Variants in SFT2D2 observed in about 807,000 individuals in gnomAD.
SFT2D2 encodes the protein SFT2 domain containing 2, also known as vesicle transport protein SFT2B.
Under a neutral mutation model 27.4 loss-of-function variants are expected in SFT2D2, and 21 were observed. That is an observed-to-expected ratio of 0.77 (90% CI 0.54 to 1.10). The LOEUF is 1.10. SFT2D2 is among the 50% of genes least tolerant of loss of function. The pLI, the probability that SFT2D2 is intolerant of heterozygous loss-of-function variation, is 0.00. For synonymous variants in SFT2D2, 72 were observed against 71.7 expected (o/e 1.00, Z -0.02); for missense variants, 187 against 194.2 (o/e 0.96, Z 0.22).
At chr1:168,231,486 A>G (rs754278941) in intron 1 of SFT2D2, 28 bp from the exon 2 acceptor site, 19 of 1,541,624 alleles carry the variant, frequency 1.2e-5, no homozygotes, top group South Asian at 2.3e-5. Flanking sequence ...ATGTGTGTGT[A>G]TATGTATTTT....
intron 1 of SFT2D2, among the ~76,000 whole-genome samples, chr1:168,227,241 AAAT>A (rs1245920130): frequency 2.6e-5 from 4 of 152,218 alleles, no homozygotes; most frequent in African/African-American, 9.7e-5. Context: ...TTGGATGACA[AAAT>A]AACGTTTCTC....
rs1558176505 is a variant in SFT2D2 at position 168,235,170 on chromosome 1, T to A, written c.306T>A (p.Thr102=). The A allele has an allele frequency of 1.7e-5, 27 of 1,614,202 alleles. No individual in the cohort carries two copies. Among genetic ancestry groups the A allele is most frequent in the Non-Finnish European group, 2.3e-5 (27 of 1,180,016 alleles). Residue 102 remains threonine, a synonymous_variant, in exon 4 of 8, where the codon ACT becomes ACA. Coordinates refer to ENST00000271375, the MANE Select transcript of SFT2D2 (RefSeq NM_199344.3). ...RMFEPTRLIA[T]IMVLLCFALT... ...TTGAGCCTACTCGTTTGATTGCAACTATCATGGTGCTGGTAAGGTCTGCTT... is the reference window on the plus strand; with the variant it reads ...TTGAGCCTACTCGTTTGATTGCAACAATCATGGTGCTGGTAAGGTCTGCTT...
chr1:168,240,976 C>T (rs888418150), intron 7 of SFT2D2, among the ~76,000 whole-genome samples: 8 of 152,094 alleles, frequency 5.3e-5, no homozygotes, highest in African/African-American at 1.7e-4. Flanking sequence ...CAATGTGGAC[C>T]CTTCTGAGTA....
rs2294218 is a variant in SFT2D2 at position 168,232,693 on chromosome 1, T to A, written c.236+774T>A. On this transcript the variant is annotated intron_variant, in intron 3 of 7. Coordinates refer to ENST00000271375, the MANE Select transcript of SFT2D2 (RefSeq NM_199344.3). ...GCTGTTTGTGCTTCACTGACTGACT[T>A]GCATGCTCAATGGGTAAGCATTGAT... Among the ~76,000 whole-genome samples the A allele has an allele frequency of 9.2e-5, 14 of 152,340 alleles. No homozygotes were observed. In the East Asian group the frequency reaches 2.7e-3, roughly 29 times the overall value.
chr1:168,246,593 G>A lies in SFT2D2; in HGVS notation c.*4053G>A. Reference sequence around the variant, plus strand: ...AGAACATGAGAATTCAAATTTTCCTGTAAATGACGCAATTTATCTACTGTG... The same window carrying A: ...AGAACATGAGAATTCAAATTTTCCTATAAATGACGCAATTTATCTACTGTG... On this transcript the variant is annotated 3_prime_UTR_variant, in exon 8 of 8. Transcript: ENST00000271375. The A allele has an allele frequency of 6.7e-7, 1 of 1,501,410 alleles. No homozygotes were observed. Among genetic ancestry groups the A allele is most frequent in the South Asian group, 1.1e-5 (1 of 89,410 alleles). 93.0% of individuals were successfully genotyped at this position (1,501,410 alleles called of 1,614,324 possible).
intron 6 of SFT2D2, among the ~76,000 whole-genome samples, chr1:168,237,286 G>T (rs1354454419): frequency 6.6e-6 from 1 of 152,184 alleles, no homozygotes; most frequent in Non-Finnish European, 1.5e-5. Flanking sequence ...TGTGTCTGTG[G>T]GCTGTAGGAT....
intron 7 of SFT2D2, among the ~76,000 whole-genome samples, chr1:168,241,205 CTT>C (rs11387591): frequency 4.0e-5 from 4 of 100,150 alleles, no homozygotes; most frequent in Non-Finnish European, 3.8e-5. Context: ...CCCTTCTATT[CTT>C]TTTTTTTTTT....
chr1:168,226,548 G>C (rs1700461081), intron 1 of SFT2D2, among the ~76,000 whole-genome samples: 1 of 151,984 alleles, frequency 6.6e-6, no homozygotes. Context: ...GACCCGGACT[G>C]GGGTGTTGGG....
At chr1:168,232,013 T>A in intron 3 of SFT2D2, 94 bp downstream of exon 3, 1 of 970,414 alleles carries the variant, frequency 1.0e-6, no homozygotes, top group Non-Finnish European at 1.6e-6. Context: ...GAGGCTCCAG[T>A]AGTTGTAAGG....
intron 1 of SFT2D2, among the ~76,000 whole-genome samples, chr1:168,226,490 C>G (rs1481880255): frequency 6.6e-6 from 1 of 152,090 alleles, no homozygotes; most frequent in Non-Finnish European, 1.5e-5. Flanking sequence ...GGCTGGGGGC[C>G]CCGAGGTCCA....
intron 6 of SFT2D2, 60 bp from the exon 7 acceptor site, chr1:168,239,071 G>A (rs1647579938): frequency 5.4e-6 from 7 of 1,300,812 alleles, no homozygotes; most frequent in Non-Finnish European, 7.8e-6. Context: ...AGCCCATTCT[G>A]CTGGATAATC....
At chr1:168,226,229 C>A in intron 1 of SFT2D2, 87 bp downstream of exon 1, 1 of 1,244,386 alleles carries the variant, frequency 8.0e-7, no homozygotes, top group Non-Finnish European at 1.1e-6. Context: ...GCGGGGACTC[C>A]CTGGAGTTTC....
At chr1:168,228,055 T>G (rs964188530) in intron 1 of SFT2D2, among the ~76,000 whole-genome samples, 2 of 152,256 alleles carry the variant, frequency 1.3e-5, no homozygotes, top group African/African-American at 4.8e-5. Flanking sequence ...GTTCTTGTTT[T>G]AAAATACTTT....
At chr1:168,227,881 G>A (rs1249696726) in intron 1 of SFT2D2, among the ~76,000 whole-genome samples, 3 of 152,154 alleles carry the variant, frequency 2.0e-5, no homozygotes, top group Non-Finnish European at 4.4e-5. Flanking sequence ...ACGAAGCAGT[G>A]GGCTGACCCT....
At chr1:168,232,822 T>C (rs1322190343) in intron 3 of SFT2D2, among the ~76,000 whole-genome samples, 1 of 152,160 alleles carries the variant, frequency 6.6e-6, no homozygotes, top group Non-Finnish European at 1.5e-5. Context: ...GGAAAGAAAT[T>C]CTCAAGGAGG....
rs1034993878 is a variant in SFT2D2 at position 168,252,119 on chromosome 1, G to A, written c.*9579G>A. 3.3e-5 allele frequency: 5 copies of A among 152,154 alleles called. No individual in the cohort carries two copies. Among genetic ancestry groups the A allele is most frequent in the Non-Finnish European group, 7.3e-5 (5 of 68,032 alleles). The allele number at this position is 152,154 out of a possible 1,614,324, so 9.4% of individuals were successfully genotyped here. A position where few individuals can be genotyped will look rare whatever the true frequency, so the allele number is the denominator to read the frequency against. On this transcript the variant is annotated 3_prime_UTR_variant, in exon 8 of 8. Coordinates refer to ENST00000271375, the MANE Select transcript of SFT2D2 (RefSeq NM_199344.3). ...GTAAATGGGGAGTAGCAGAGCCTTT[G>A]TTAATGTAAATTGACAAAAAGTATG...
At position 168,252,943 on chromosome 1, in the gene SFT2D2, G is replaced by A. The variant is rs1647980349; in HGVS notation, c.*10403G>A. 6.6e-6 allele frequency: 1 copy of A among 152,072 alleles called. No homozygotes were observed. The highest frequency in any genetic ancestry group is 2.4e-5 in the African/African-American group (1 of 41,406). 9.4% of individuals were successfully genotyped at this position (152,072 alleles called of 1,614,324 possible). A position where few individuals can be genotyped will look rare whatever the true frequency, so the allele number is the denominator to read the frequency against. On this transcript the variant is annotated 3_prime_UTR_variant, in exon 8 of 8. Coordinates refer to ENST00000271375, the MANE Select transcript of SFT2D2 (RefSeq NM_199344.3). Reference sequence around the variant, plus strand: ...TTAACTTTAAAAGGAATGTTGCCAAGCTGTCTCTCCTCCCCCATCACAATT... The same window carrying A: ...TTAACTTTAAAAGGAATGTTGCCAAACTGTCTCTCCTCCCCCATCACAATT...
At chr1:168,226,163 CGG>C in intron 1 of SFT2D2, 21 bp downstream of exon 1, 1 of 1,525,872 alleles carries the variant, frequency 6.6e-7, no homozygotes, top group Non-Finnish European at 8.8e-7. Flanking sequence ...CCGGGGCCGT[CGG>C]CCCCCTCTCG....
In SFT2D2 at chr1:168,250,638, C is replaced by G. The variant is rs1423017860; in HGVS notation, c.*8098C>G. On this transcript the variant is annotated 3_prime_UTR_variant, in exon 8 of 8. Coordinates refer to ENST00000271375, the MANE Select transcript of SFT2D2 (RefSeq NM_199344.3). ...AACAGAAGAGATGGCTTCCAGTCCC[C>G]TCTCCCCCTTCTCCCAGTCTCTCTG... The G allele has an allele frequency of 6.5e-6, 1 of 153,100 alleles. No individual in the cohort carries two copies. Among genetic ancestry groups the G allele is most frequent in the Non-Finnish European group, 1.5e-5 (1 of 68,840 alleles). 9.5% of individuals were successfully genotyped at this position (153,100 alleles called of 1,614,324 possible). A position where few individuals can be genotyped will look rare whatever the true frequency, so the allele number is the denominator to read the frequency against.
Sources: gnomAD v4.1 joint callset for allele counts (sites outside exome capture counted in the v4.1 genomes callset) on GRCh38, gnomAD v4.1.1 for gene constraint, MANE v1.5 for transcripts, NCBI Gene and HGNC (gene_info 2026-07-23, HGNC 2026-07-21) for gene names.